The following FAM13A variants were observed in gnomAD, a reference collection of about 807,000 sequenced individuals.
The protein encoded by FAM13A is protein FAM13A.
A neutral mutation model predicts 129.6 loss-of-function variants in FAM13A; 76 were observed. The ratio of observed to expected loss-of-function variants is 0.59; its 90% confidence interval spans 0.49 to 0.71. The LOEUF (loss-of-function observed/expected upper bound fraction) is 0.71. FAM13A is among the 30% of genes least tolerant of loss of function. The pLI is 0.00. For missense variants in FAM13A, 1,108 were observed against 1,249.3 expected (o/e 0.89, Z 1.70); for synonymous variants, 443 against 449.9 (o/e 0.98, Z 0.20).
chr4:88,901,288 C>G (rs1747256913), intron 6 of FAM13A, among the ~76,000 whole-genome samples: 1 of 152,056 alleles, frequency 6.6e-6, no homozygotes, highest in African/African-American at 2.4e-5. Context: ...CTGGATCAAG[C>G]AGACCTGATA....
chr4:88,758,661 AC>A (rs1331432928), intron 14 of FAM13A, 92 bp downstream of exon 14: 79 of 1,295,476 alleles, frequency 6.1e-5, no homozygotes, highest in Non-Finnish European at 3.1e-5. Flanking sequence ...TAGCTCTTTC[AC>A]CCACACTCTC....
Position 88,877,478 on chromosome 4 carries a change from A to G in FAM13A, c.844-26295T>C, listed in dbSNP as rs1394795224. ...TGAATTATTGTAGAAAGTCCTTATA[A>G]CAATATGTTAAGGGGAAAAAACAGA... is the stretch of plus-strand genomic sequence containing the variant. On this transcript the variant is annotated intron_variant, in intron 6 of 23. Transcript: ENST00000264344. Among the ~76,000 whole-genome samples, 4 of 152,224 alleles carry G rather than the reference A, an allele frequency of 2.6e-5. No homozygotes were observed. In the East Asian group the frequency reaches 7.7e-4, roughly 29 times the overall value.
At chr4:89,051,578 A>C (rs1404052131) in intron 1 of FAM13A, among the ~76,000 whole-genome samples, 2 of 152,178 alleles carry the variant, frequency 1.3e-5, no homozygotes, top group African/African-American at 4.8e-5. Flanking sequence ...TCAACTCAAA[A>C]GTCTAACATC....
chr4:88,993,664 C>T (rs572277365), intron 3 of FAM13A, among the ~76,000 whole-genome samples: 28 of 152,126 alleles, frequency 1.8e-4, no homozygotes, highest in Admixed American at 1.6e-3. Context: ...GGAAGGGAGA[C>T]GGATGTATTT....
chr4:88,976,270 T>C (rs1760888922), intron 4 of FAM13A, among the ~76,000 whole-genome samples: 1 of 152,150 alleles, frequency 6.6e-6, no homozygotes, highest in African/African-American at 2.4e-5. Context: ...CAGGCAGATG[T>C]TATTGCTTAA....
At chr4:88,790,438 A>G (rs1041348674) in intron 9 of FAM13A, 148 bp downstream of exon 9, 32 of 656,282 alleles carry the variant, frequency 4.9e-5, no homozygotes, top group Middle Eastern at 2.7e-4. Context: ...CCTCTCCTCC[A>G]TATAGTTTAA....
intron 7 of FAM13A, among the ~76,000 whole-genome samples, chr4:88,825,229 G>GTTA (rs1553996205): frequency 3.4e-5 from 3 of 88,152 alleles, no homozygotes; most frequent in South Asian, 8.3e-4. Context: ...TTTTTTTTTG[G>GTTA]GGGGGGGATG....
intron 4 of FAM13A, among the ~76,000 whole-genome samples, chr4:88,976,477 A>T (rs1470706612): frequency 2.6e-5 from 4 of 152,134 alleles, no homozygotes; most frequent in Non-Finnish European, 5.9e-5. Flanking sequence ...ATAGTATCAA[A>T]CTCTATATAT....
rs1746033797 is a variant in FAM13A, at chr4:88,768,018, A to G, written c.1500T>C (p.Thr500=). 1.2e-6 allele frequency: 2 copies of G among 1,609,354 alleles called. No homozygotes were observed. Among genetic ancestry groups the G allele is most frequent in the Admixed American group, 1.7e-5 (1 of 59,986 alleles). The part of the protein sequence containing the change: ...SLNSTRSHER[T]GPDDFEWMSD... The stretch of plus-strand genomic sequence containing the variant: ...ACATCCATTCAAAATCATCAGGTCC[A>G]GTTCTCTCATGAGATCGTGTGGAAT... Residue 500 remains threonine (T), a synonymous_variant, in exon 12 of 24, where the codon ACT becomes ACC. Transcript: ENST00000264344.
chr4:89,035,707 C>T lies in FAM13A; in HGVS notation c.28-6058G>A, dbSNP rs532582302. On this transcript the variant is annotated intron_variant, in intron 1 of 23. Transcript: ENST00000264344. Reference sequence around the variant, plus strand: ...CTGTTCTTGTGATAGTGAGTGAGTCCTCACAAGATCGGGTTGTTTAAAAGT... The same window carrying T: ...CTGTTCTTGTGATAGTGAGTGAGTCTTCACAAGATCGGGTTGTTTAAAAGT... 6.6e-5 allele frequency among the ~76,000 whole-genome samples: 10 copies of T among 152,154 alleles called. No homozygotes were observed. The South Asian group carries it at 2.1e-3, about 32-fold the overall frequency.
chr4:88,920,716 G>A (rs559607322), intron 5 of FAM13A, among the ~76,000 whole-genome samples: 5 of 152,318 alleles, frequency 3.3e-5, no homozygotes, highest in African/African-American at 1.2e-4. Flanking sequence ...ACTTTGACGA[G>A]TTGAGAGAAG....
At chr4:88,857,497 C>T (rs755008479) in intron 6 of FAM13A, among the ~76,000 whole-genome samples, 3 of 151,806 alleles carry the variant, frequency 2.0e-5, no homozygotes, top group African/African-American at 4.8e-5. Context: ...GGCATGGTGG[C>T]GCATGCCTGC....
At chr4:89,042,124 G>C (rs2149161498) in intron 1 of FAM13A, among the ~76,000 whole-genome samples, 1 of 119,972 alleles carries the variant, frequency 8.3e-6, no homozygotes, top group Middle Eastern at 3.9e-3. Context: ...GACGTTGCTG[G>C]GACCATCAGA....
rs1765816506 is a variant in FAM13A at position 89,012,134 on chromosome 4, A to C, written c.427+8326T>G. Among the ~76,000 whole-genome samples, 4 of 152,222 alleles carry C rather than the reference A, an allele frequency of 2.6e-5. No homozygotes were observed. The South Asian group carries it at 8.3e-4, about 31-fold the overall frequency. The stretch of plus-strand genomic sequence containing the variant: ...AGTCAATTAAAAATATTTCTAGTTA[A>C]TCCTAAATTAAATGAATCCTCTTCT... On this transcript the variant is annotated intron_variant, in intron 3 of 23. Coordinates refer to ENST00000264344, the MANE Select transcript of FAM13A (RefSeq NM_014883.4).
intron 5 of FAM13A, among the ~76,000 whole-genome samples, chr4:88,928,822 G>A (rs186695079): frequency 7.3e-4 from 111 of 152,224 alleles, no homozygotes; most frequent in African/African-American, 2.6e-3. Context: ...ATATTTATAT[G>A]TGAGGCTTTG....
chr4:89,051,792 GA>G (rs1771625054), intron 1 of FAM13A, among the ~76,000 whole-genome samples: 1 of 152,114 alleles, frequency 6.6e-6, no homozygotes, highest in Non-Finnish European at 1.5e-5. Flanking sequence ...GGCAGGTCCT[GA>G]AAAAAATCCA....
At chr4:88,926,191 A>C (rs1405699163) in intron 5 of FAM13A, among the ~76,000 whole-genome samples, 1 of 152,098 alleles carries the variant, frequency 6.6e-6, no homozygotes, top group Non-Finnish European at 1.5e-5. Flanking sequence ...CTGGAAATTT[A>C]CACCCCCACA....
At chr4:88,822,361 C>A (rs770346230) in intron 7 of FAM13A, among the ~76,000 whole-genome samples, 1 of 152,160 alleles carries the variant, frequency 6.6e-6, no homozygotes, top group Non-Finnish European at 1.5e-5. Context: ...CCCCCAGACC[C>A]ACAATCTATA....
At chr4:88,822,970 T>C in intron 7 of FAM13A, 1 of 1,612,480 alleles carries the variant, frequency 6.2e-7, no homozygotes, top group Non-Finnish European at 8.5e-7. Context: ...AATAGGAAAA[T>C]ACTACCTTTG....
Sources: allele counts gnomAD v4.1 joint callset (sites outside exome capture counted in the v4.1 genomes callset), GRCh38; gene constraint gnomAD v4.1.1; transcripts MANE v1.5; gene names NCBI Gene and HGNC (gene_info 2026-07-23, HGNC 2026-07-21).